Variants in NCKAP5 observed in about 807,000 individuals in gnomAD.
The protein encoded by NCKAP5 is NCK associated protein 5, also known as nck-associated protein 5.
In NCKAP5, 92 loss-of-function variants were observed where a neutral mutation model predicts 167.0. The observed-to-expected ratio is 0.55, with a 90% CI of 0.47 to 0.66. NCKAP5 has a LOEUF of 0.66. NCKAP5 is among the 30% of genes least tolerant of loss of function. NCKAP5 has a pLI of 0.00. For synonymous variants in NCKAP5, 891 were observed against 877.4 expected (o/e 1.02, Z -0.27); for missense variants, 2,378 against 2,315.0 (o/e 1.03, Z -0.56).
chr2:132,892,064 G>T (rs193105470), intron 8 of NCKAP5, among the ~76,000 whole-genome samples: 2 of 152,288 alleles, frequency 1.3e-5, no homozygotes, highest in East Asian at 3.9e-4. Context: ...TTTAATGCAG[G>T]GGGTGGTGGT....
At chr2:132,777,598 A>G (rs1167450166) in intron 15 of NCKAP5, among the ~76,000 whole-genome samples, 1 of 152,156 alleles carries the variant, frequency 6.6e-6, no homozygotes, top group African/African-American at 2.4e-5. Flanking sequence ...AAGTTCCTGG[A>G]AAGCATAACC....
chr2:133,337,331 A>G (rs1053238640), intron 3 of NCKAP5, among the ~76,000 whole-genome samples: 1 of 152,180 alleles, frequency 6.6e-6, no homozygotes, highest in African/African-American at 2.4e-5. Context: ...GATTCAGGAC[A>G]ACTTGAGATG....
chr2:132,720,794 A>G (rs1459296564), intron 19 of NCKAP5, among the ~76,000 whole-genome samples: 3 of 152,038 alleles, frequency 2.0e-5, no homozygotes, highest in Non-Finnish European at 4.4e-5. Flanking sequence ...GGATCACCTA[A>G]GGTCACGAGT....
intron 7 of NCKAP5, among the ~76,000 whole-genome samples, chr2:132,991,116 A>G (rs1244485617): frequency 6.6e-6 from 1 of 152,146 alleles, no homozygotes; most frequent in Non-Finnish European, 1.5e-5. Context: ...CCAGGGTTCA[A>G]AACTCTTCTA....
At chr2:133,533,170 A>G (rs1442497754) in intron 2 of NCKAP5, among the ~76,000 whole-genome samples, 1 of 152,240 alleles carries the variant, frequency 6.6e-6, no homozygotes, top group Non-Finnish European at 1.5e-5. Context: ...TGGGAAGGTA[A>G]CGTAAATGCG....
chr2:133,616,824 C>A, the NCKAP5 span, among the ~76,000 whole-genome samples: 3 of 152,082 alleles, frequency 2.0e-5, no homozygotes, highest in South Asian at 2.1e-4. Flanking sequence ...CATCCTGATA[C>A]CAAAGCTGGG....
At chr2:132,770,599 A>C (rs1681953261) in intron 16 of NCKAP5, among the ~76,000 whole-genome samples, 1 of 152,034 alleles carries the variant, frequency 6.6e-6, no homozygotes, top group South Asian at 2.1e-4. Flanking sequence ...TCTGAACACC[A>C]AGTCAATTAT....
At chr2:132,850,505 C>T (rs1688993668) in intron 11 of NCKAP5, among the ~76,000 whole-genome samples, 1 of 151,848 alleles carries the variant, frequency 6.6e-6, no homozygotes, top group Non-Finnish European at 1.5e-5. Context: ...TGTAAAACAG[C>T]ACTAATACCC....
At chr2:132,716,462 G>A (rs2105356953) in intron 19 of NCKAP5, among the ~76,000 whole-genome samples, 1 of 152,288 alleles carries the variant, frequency 6.6e-6, no homozygotes, top group South Asian at 2.1e-4. Flanking sequence ...ACAGCATTAA[G>A]TATCCTTTGC....
intron 6 of NCKAP5, among the ~76,000 whole-genome samples, chr2:133,092,365 G>A (rs1360271328): frequency 2.6e-5 from 4 of 152,094 alleles, no homozygotes; most frequent in Middle Eastern, 3.2e-3. Flanking sequence ...AAGGATTGCC[G>A]GTAACACCAG....
chr2:132,700,903 C>T (rs1249918192), intron 19 of NCKAP5, among the ~76,000 whole-genome samples: 1 of 133,008 alleles, frequency 7.5e-6, no homozygotes, highest in Admixed American at 8.3e-5. Flanking sequence ...GGGTCTCTTT[C>T]CTGCATGCTG....
At chr2:133,261,486 G>A (rs991286674) in intron 4 of NCKAP5, among the ~76,000 whole-genome samples, 3 of 152,124 alleles carry the variant, frequency 2.0e-5, no homozygotes, top group Non-Finnish European at 2.9e-5. Flanking sequence ...TTCTGACACA[G>A]ACCAGGTCTT....
At chr2:133,517,231 T>C (rs1376786698) in intron 3 of NCKAP5, among the ~76,000 whole-genome samples, 3 of 152,220 alleles carry the variant, frequency 2.0e-5, no homozygotes, top group South Asian at 2.1e-4. Flanking sequence ...TTATATATAA[T>C]GTTGACAGAT....
At chr2:132,857,707 A>G (rs575027243) in intron 11 of NCKAP5, among the ~76,000 whole-genome samples, 4 of 152,174 alleles carry the variant, frequency 2.6e-5, no homozygotes, top group Non-Finnish European at 5.9e-5. Context: ...AATCTGATTT[A>G]TTGCCACCCA....
At chr2:133,359,060 C>T (rs913791326) in intron 3 of NCKAP5, among the ~76,000 whole-genome samples, 38 of 152,228 alleles carry the variant, frequency 2.5e-4, no homozygotes, top group Middle Eastern at 6.8e-3. Flanking sequence ...TCAAGGCCAA[C>T]GTATTGTGTA....
At chr2:132,804,190 CAGG>C (rs1251985642) in intron 11 of NCKAP5, among the ~76,000 whole-genome samples, 6 of 152,142 alleles carry the variant, frequency 3.9e-5, no homozygotes, top group African/African-American at 1.4e-4. Flanking sequence ...GACGTGTGGG[CAGG>C]AGGACAGCTG....
intron 11 of NCKAP5, among the ~76,000 whole-genome samples, chr2:132,847,397 G>C (rs1253479536): frequency 6.6e-6 from 1 of 152,150 alleles, no homozygotes; most frequent in Non-Finnish European, 1.5e-5. Context: ...AATTTACAGA[G>C]ATGAAATTAC....
At chr2:133,486,996 G>A (rs1680961811) in intron 3 of NCKAP5, among the ~76,000 whole-genome samples, 1 of 152,130 alleles carries the variant, frequency 6.6e-6, no homozygotes, top group African/African-American at 2.4e-5. Context: ...ACTCAGCCCA[G>A]CACACTGCAG....
In NCKAP5 at chr2:132,782,605, A is replaced by G. The variant is rs1453469280; in HGVS notation, c.4206T>C (p.Ala1402=). ...TQGECPSANV[A]VLGEPGSDRR... is the part of the protein sequence containing the mutation. ...GGTCACTGCCTGGTTCCCCAAGTACAGCCACATTGGCACTGGGGCACTCTC... is the reference window on the plus strand; with the variant it reads ...GGTCACTGCCTGGTTCCCCAAGTACGGCCACATTGGCACTGGGGCACTCTC... Residue 1402 remains alanine, a synonymous_variant, in exon 14 of 20, where the codon GCT becomes GCC. Transcript: ENST00000409261. The G allele has an allele frequency of 6.3e-7, 1 of 1,591,486 alleles. No individual in the cohort carries two copies. Among genetic ancestry groups the G allele is most frequent in the South Asian group, 1.2e-5 (1 of 86,344 alleles).
Sources: allele counts gnomAD v4.1 joint callset (sites outside exome capture counted in the v4.1 genomes callset), GRCh38; gene constraint gnomAD v4.1.1; transcripts MANE v1.5; gene names NCBI Gene and HGNC (gene_info 2026-07-23, HGNC 2026-07-21).